The following TMTC3 variants were observed in gnomAD, a reference collection of about 807,000 sequenced individuals.
TMTC3 encodes transmembrane O-mannosyltransferase targeting cadherins 3.
TMTC3 carries 52 observed loss-of-function variants against 92.2 expected under a neutral mutation model. The observed-to-expected ratio is 0.56, with a 90% CI of 0.45 to 0.71. The LOEUF (loss-of-function observed/expected upper bound fraction) is 0.71, where lower values mean the gene tolerates loss of function less well. Among genes scored for constraint, TMTC3 ranks in the 30% least tolerant of loss-of-function variants. TMTC3 has a pLI of 0.00. For synonymous variants in TMTC3, 339 were observed against 363.3 expected (o/e 0.93, Z 0.76); for missense variants, 896 against 1,057.1 (o/e 0.85, Z 2.11).
At chr12:88,190,706 G>GA (rs1309310638) in intron 12 of TMTC3, 84 bp downstream of exon 12, 35 of 1,405,320 alleles carry the variant, frequency 2.5e-5, no homozygotes, top group South Asian at 2.9e-5. Flanking sequence ...GGTTTTTTTT[G>GA]AAAAAAAATT....
intron 7 of TMTC3, among the ~76,000 whole-genome samples, chr12:88,168,041 T>A (rs1435259784): frequency 6.6e-6 from 1 of 152,094 alleles, no homozygotes; most frequent in African/African-American, 2.4e-5. Flanking sequence ...AGAAAACAGT[T>A]GAGTGGGCTA....
chr12:88,164,016 A>G (rs2041111845), intron 6 of TMTC3, among the ~76,000 whole-genome samples: 1 of 151,872 alleles, frequency 6.6e-6, no homozygotes, highest in Non-Finnish European at 1.5e-5. Context: ...AACATGGGGA[A>G]ACCTCATCTC....
In TMTC3 at chr12:88,144,793, G is replaced by A. The variant is rs138053433; in HGVS notation, c.-29+2306G>A. ...GTCAACTAAGTTTTTATGCATTGTC[G>A]TCTGTACCTAAGTGTGAGTCAGGAA... On this transcript the variant is annotated intron_variant, in intron 1 of 13. Coordinates refer to ENST00000266712, the MANE Select transcript of TMTC3 (RefSeq NM_181783.4). Among the ~76,000 whole-genome samples the A allele has an allele frequency of 7.6e-4, 116 of 152,258 alleles. No homozygotes were observed. In the Middle Eastern group the frequency reaches 0.014, roughly 18 times the overall value.
At chr12:88,171,220 T>G (rs1430988793) in intron 7 of TMTC3, among the ~76,000 whole-genome samples, 1 of 152,182 alleles carries the variant, frequency 6.6e-6, no homozygotes, top group African/African-American at 2.4e-5. Flanking sequence ...TTTGTGGTTT[T>G]GTTTTGTTGA....
chr12:88,198,806 AT>A lies in TMTC3; in HGVS notation c.*3164del. 6.3e-6 allele frequency: 1 copy of A among 158,294 alleles called. No individual in the cohort carries two copies. Among genetic ancestry groups the A allele is most frequent in the Non-Finnish European group, 1.4e-5 (1 of 72,280 alleles). 9.8% of individuals were successfully genotyped at this position (158,294 alleles called of 1,614,324 possible). ...AGAAATCCATATATTTGTCATATTT[AT>A]TTTTTTAGAAACCTCCTAATTGGAT... On this transcript the variant is annotated 3_prime_UTR_variant, in exon 14 of 14. Coordinates refer to ENST00000266712, the MANE Select transcript of TMTC3 (RefSeq NM_181783.4).
At chr12:88,149,710 A>G (rs973777927) in intron 2 of TMTC3, among the ~76,000 whole-genome samples, 1 of 152,186 alleles carries the variant, frequency 6.6e-6, no homozygotes, top group African/African-American at 2.4e-5. Context: ...AAGCCTCTCA[A>G]GGTTAGGGAT....
intron 6 of TMTC3, among the ~76,000 whole-genome samples, chr12:88,165,499 A>G (rs1312770904): frequency 6.6e-6 from 1 of 152,048 alleles, no homozygotes; most frequent in Non-Finnish European, 1.5e-5. Context: ...TTTATCAAAT[A>G]TTTGATATGT....
intron 10 of TMTC3, among the ~76,000 whole-genome samples, chr12:88,183,519 C>A (rs554706286): frequency 6.6e-6 from 1 of 152,050 alleles, no homozygotes; most frequent in African/African-American, 2.4e-5. Flanking sequence ...CCTCTGTTTC[C>A]CCTTTGGTAT....
intron 2 of TMTC3, among the ~76,000 whole-genome samples, chr12:88,150,417 A>G (rs1236439588): frequency 6.6e-6 from 1 of 152,158 alleles, no homozygotes; most frequent in Non-Finnish European, 1.5e-5. Flanking sequence ...ATTTTGATAT[A>G]AGATTTGGGC....
intron 10 of TMTC3, among the ~76,000 whole-genome samples, chr12:88,185,258 TA>T (rs1208040962): frequency 6.6e-6 from 1 of 152,160 alleles, no homozygotes; most frequent in Non-Finnish European, 1.5e-5. Context: ...CAGCCTTCTC[TA>T]AGCAAAAGCT....
intron 7 of TMTC3, among the ~76,000 whole-genome samples, chr12:88,171,213 G>A (rs2041201240): frequency 6.6e-6 from 1 of 151,892 alleles, no homozygotes; most frequent in South Asian, 2.1e-4. Flanking sequence ...ATCAGCATTT[G>A]TGGTTTTGTT....
chr12:88,184,281 A>G (rs2138428268), intron 10 of TMTC3, among the ~76,000 whole-genome samples: 1 of 152,324 alleles, frequency 6.6e-6, no homozygotes, highest in Admixed American at 6.5e-5. Flanking sequence ...CGACCCCCCA[A>G]GTAGAGAGCA....
intron 1 of TMTC3, among the ~76,000 whole-genome samples, chr12:88,146,305 C>A (rs1386541482): frequency 1.3e-5 from 2 of 152,072 alleles, no homozygotes; most frequent in African/African-American, 4.8e-5. Context: ...CCCATTGATT[C>A]AGGATGTACC....
At position 88,198,240 on chromosome 12, in the gene TMTC3, G is replaced by A; in HGVS notation, c.*2591G>A. The A allele has an allele frequency of 1.0e-5, 4 of 397,204 alleles. No homozygotes were observed. 24.6% of individuals were successfully genotyped at this position (397,204 alleles called of 1,614,324 possible). On this transcript the variant is annotated 3_prime_UTR_variant, in exon 14 of 14. Coordinates refer to ENST00000266712, the MANE Select transcript of TMTC3 (RefSeq NM_181783.4). ...TCCTCTGGAGCTGCCTGTTCAGTGAGATGGAGGAGGTGGGCACATTTAAGG... is the reference window on the plus strand; with the variant it reads ...TCCTCTGGAGCTGCCTGTTCAGTGAAATGGAGGAGGTGGGCACATTTAAGG...
intron 2 of TMTC3, 42 bp from the exon 3 acceptor site, chr12:88,153,249 A>T: frequency 6.9e-7 from 1 of 1,450,044 alleles, no homozygotes; most frequent in South Asian, 1.3e-5. Context: ...ACCCTGTTGG[A>T]CCAAGGTACT....
intron 10 of TMTC3, among the ~76,000 whole-genome samples, chr12:88,181,785 C>CTT (rs1227604523): frequency 2.0e-5 from 3 of 152,168 alleles, no homozygotes; most frequent in African/African-American, 7.2e-5. Flanking sequence ...CCTCAGCTCT[C>CTT]TGAGTGCTGG....
chr12:88,190,490 CT>C lies in TMTC3; in HGVS notation c.1575del (p.Asn526ThrfsTer3). On this transcript the variant is annotated frameshift_variant, in exon 12 of 14. Coordinates refer to ENST00000266712, the MANE Select transcript of TMTC3 (RefSeq NM_181783.4). LOFTEE classifies it high-confidence loss of function. ...PGKKYAARIA[P>X]NHLNVYINLA... ...AAAAAATATGCAGCCAGAATTGCCC[CT>C]AACCACCTAAATGTTTATATCAATC... 1 of 1,613,650 alleles carries C rather than the reference CT, an allele frequency of 6.2e-7. No homozygotes were observed. The highest frequency in any genetic ancestry group is 2.2e-5 in the East Asian group (1 of 44,790).
chr12:88,151,737 T>C (rs2040945568), intron 2 of TMTC3, among the ~76,000 whole-genome samples: 1 of 152,226 alleles, frequency 6.6e-6, no homozygotes, highest in South Asian at 2.1e-4. Context: ...TGTTCCATTG[T>C]AGCCACAGTG....
chr12:88,161,003 A>C, intron 6 of TMTC3, 152 bp downstream of exon 6: 1 of 761,734 alleles, frequency 1.3e-6, no homozygotes. Context: ...TTTAAAATTT[A>C]TGTACTGATA....
Sources: gnomAD v4.1 joint callset for allele counts (sites outside exome capture counted in the v4.1 genomes callset) on GRCh38, gnomAD v4.1.1 for gene constraint, MANE v1.5 for transcripts, NCBI Gene and HGNC (gene_info 2026-07-23, HGNC 2026-07-21) for gene names.